FRG1: variants seen among roughly 807,000 people sequenced by gnomAD.
FRG1 encodes FSHD region gene 1, also known as protein FRG1.
Under a neutral mutation model 37.0 loss-of-function variants are expected in FRG1, and 19 were observed. The ratio of observed to expected loss-of-function variants is 0.51; its 90% confidence interval spans 0.36 to 0.75. The LOEUF (loss-of-function observed/expected upper bound fraction) is 0.75. Ranked by LOEUF, FRG1 falls within the 30% of genes least tolerant of loss-of-function variation. The pLI, the probability that FRG1 is intolerant of heterozygous loss-of-function variation, is 0.00. For synonymous variants in FRG1, 73 were observed against 96.5 expected, an observed-to-expected ratio of 0.76 and a Z score of 1.43; for missense variants, 243 against 301.4, an observed-to-expected ratio of 0.81 and a Z score of 1.44.
chr4:189,943,123 A>G, intron 1 of FRG1, 79 bp from the exon 2 acceptor site: 2 of 1,421,300 alleles, frequency 1.4e-6, no homozygotes, highest in Non-Finnish European at 1.9e-6. Context: ...AGCTTAAAAG[A>G]CTTTCAAGTT....
intron 1 of FRG1, among the ~76,000 whole-genome samples, chr4:189,942,640 A>G (rs996462138): frequency 2.0e-5 from 3 of 152,000 alleles, no homozygotes; most frequent in Non-Finnish European, 4.4e-5. Flanking sequence ...CTTTTTGGCT[A>G]TTGTGACTAA....
Position 189,950,986 on chromosome 4 carries a change from G to T in FRG1, c.134-1176G>T, listed in dbSNP as rs562727969. Among the ~76,000 whole-genome samples the T allele has an allele frequency of 9.2e-5, 14 of 152,130 alleles. No homozygotes were observed. The East Asian group carries it at 2.5e-3, about 27-fold the overall frequency. ...AAAATTAACAAGAATTCCTTAATAT[G>T]TCATATCCAGTTAATGATTGACTCA... On this transcript the variant is annotated intron_variant, in intron 2 of 8. Coordinates refer to ENST00000226798, the MANE Select transcript of FRG1 (RefSeq NM_004477.3).
At chr4:189,956,760 A>T (rs1378454304) in intron 5 of FRG1, among the ~76,000 whole-genome samples, 1 of 152,224 alleles carries the variant, frequency 6.6e-6, no homozygotes, top group Non-Finnish European at 1.5e-5. Context: ...AACCAAATAC[A>T]AGTTATAAAT....
rs4145515 is a variant in FRG1 at position 189,941,000 on chromosome 4, T to G, written c.-10T>G. On this transcript the variant is annotated 5_prime_UTR_variant, in exon 1 of 9. Transcript: ENST00000226798. ...GCCTCAGCCTCTCCGCGCAGAAGTT[T>G]CCCGGAGCCATGGCCGAGTACTCCT... is the stretch of plus-strand genomic sequence containing the variant. 0.3 allele frequency: 480,753 copies of G among 1,600,004 alleles called. 75,139 individuals carry two copies. Among genetic ancestry groups the G allele is most frequent in the Middle Eastern group, 0.41 (2,435 of 6,010 alleles).
intron 6 of FRG1, among the ~76,000 whole-genome samples, chr4:189,958,018 GCCT>G (rs1561076407): frequency 6.6e-6 from 1 of 151,598 alleles, no homozygotes. Flanking sequence ...GCTAAAGGTA[GCCT>G]CCTCTATAGT....
In FRG1 at chr4:189,952,258, T is replaced by G. The variant is rs748374689; in HGVS notation, c.230T>G (p.Leu77Arg). 1.4e-5 allele frequency: 22 copies of G among 1,610,788 alleles called. No individual in the cohort carries two copies. The highest frequency in any genetic ancestry group is 1.3e-5 in the Non-Finnish European group (15 of 1,179,150). ...TATATACATGCACTCGACAATGGTC[T>G]TTTTACCCTGGGAGCTCCACACAAA... ...GTYIHALDNG[L>R]FTLGAPHKEV... is the part of the protein sequence containing the mutation. The change falls in exon 3 of 9, where the codon CTT becomes CGT. Residue 77 changes from leucine to arginine, a missense_variant. Around this residue, in one of 2 missense-constraint regions of FRG1, gnomAD observed 110 missense variants for 102.2 expected, o/e 1.08. Transcript: ENST00000226798.
intron 4 of FRG1, among the ~76,000 whole-genome samples, chr4:189,954,757 G>A (rs1320068563): frequency 6.6e-6 from 1 of 151,864 alleles, no homozygotes; most frequent in African/African-American, 2.4e-5. Context: ...GCCATGCCCA[G>A]CTAACTTTTT....
intron 2 of FRG1, among the ~76,000 whole-genome samples, chr4:189,947,703 C>G (rs115204548): frequency 0.029 from 4,464 of 152,332 alleles, 182 homozygotes; most frequent in East Asian, 0.11. Flanking sequence ...TGCACTCCCC[C>G]CAGCCCTTGG....
intron 6 of FRG1, among the ~76,000 whole-genome samples, chr4:189,959,601 TA>T (rs1432080194): frequency 6.6e-6 from 1 of 152,252 alleles, no homozygotes; most frequent in East Asian, 1.9e-4. Flanking sequence ...GTATCATGTT[TA>T]AATTATTTTG....
intron 2 of FRG1, among the ~76,000 whole-genome samples, chr4:189,948,785 G>C (rs878936712): frequency 2.5e-4 from 38 of 150,744 alleles, no homozygotes; most frequent in African/African-American, 2.7e-4. Context: ...CGACCTCGTA[G>C]GCTCAAGCAA....
At chr4:189,956,482 G>T (rs564826807) in intron 5 of FRG1, among the ~76,000 whole-genome samples, 4 of 152,254 alleles carry the variant, frequency 2.6e-5, no homozygotes, top group African/African-American at 9.6e-5. Context: ...ATGAAAGAGG[G>T]TCTTAAAACT....
intron 1 of FRG1, 23 bp from the exon 2 acceptor site, chr4:189,943,179 T>C: frequency 1.3e-6 from 2 of 1,549,640 alleles, no homozygotes; most frequent in Non-Finnish European, 8.8e-7. Context: ...CCTAAACTCG[T>C]CTATATAAAT....
chr4:189,951,607 A>G (rs936758472), intron 2 of FRG1, among the ~76,000 whole-genome samples: 4 of 152,128 alleles, frequency 2.6e-5, no homozygotes, highest in Non-Finnish European at 5.9e-5. Flanking sequence ...ACTGGGGTCT[A>G]TCATGAGAGA....
intron 2 of FRG1, among the ~76,000 whole-genome samples, chr4:189,947,865 G>T (rs1315461314): frequency 3.9e-5 from 6 of 152,226 alleles, no homozygotes; most frequent in Non-Finnish European, 5.9e-5. Flanking sequence ...ATTTCTGGAG[G>T]TCTCTACCTC....
At chr4:189,954,864 G>C (rs1299319120) in intron 4 of FRG1, among the ~76,000 whole-genome samples, 173 bp from the exon 5 acceptor site, 1 of 152,082 alleles carries the variant, frequency 6.6e-6, no homozygotes, top group Non-Finnish European at 1.5e-5. Flanking sequence ...AAAGCACAGA[G>C]ATTACAGGAG....
chr4:189,942,770 C>A (rs1736372427), intron 1 of FRG1, among the ~76,000 whole-genome samples: 2 of 152,124 alleles, frequency 1.3e-5, no homozygotes, highest in Admixed American at 1.3e-4. Flanking sequence ...TTTTGAGGAA[C>A]CCCAAACTGT....
intron 1 of FRG1, among the ~76,000 whole-genome samples, 178 bp from the exon 2 acceptor site, chr4:189,943,024 T>C (rs1284774609): frequency 1.3e-5 from 2 of 152,180 alleles, no homozygotes; most frequent in Non-Finnish European, 2.9e-5. Flanking sequence ...TAACGTAATA[T>C]GTGCAAAGCC....
intron 1 of FRG1, chr4:189,941,746 TGAG>T (rs1736313296): frequency 3.3e-6 from 1 of 306,714 alleles, no homozygotes; most frequent in Admixed American, 4.5e-5. Flanking sequence ...GAGCCAAATG[TGAG>T]GAGGAGGTCG....
chr4:189,954,318 G>C (rs1236289336), intron 4 of FRG1, among the ~76,000 whole-genome samples: 1 of 151,920 alleles, frequency 6.6e-6, no homozygotes, highest in Non-Finnish European at 1.5e-5. Context: ...TATACTCTTC[G>C]ATCCAGTTAT....
Sources: allele counts gnomAD v4.1 joint callset (sites outside exome capture counted in the v4.1 genomes callset), GRCh38; gene constraint gnomAD v4.1.1; regional missense constraint gnomAD v4.1.1; transcripts MANE v1.5; gene names NCBI Gene and HGNC (gene_info 2026-07-23, HGNC 2026-07-21).